NBAS: variants seen among roughly 807,000 people sequenced by gnomAD.
The protein encoded by NBAS is NAG/BC035112 fusion.
Under a neutral mutation model 302.5 loss-of-function variants are expected in NBAS, and 219 were observed. The ratio of observed to expected loss-of-function variants is 0.72; its 90% CI spans 0.65 to 0.81. NBAS has a LOEUF of 0.81. Ranked by LOEUF, NBAS falls within the 30% of genes least tolerant of loss-of-function variation. NBAS has a pLI of 0.00. For synonymous variants in NBAS, 1,118 were observed against 1,021.6 expected (o/e 1.09, Z -1.80); for missense variants, 2,932 against 2,841.6 (o/e 1.03, Z -0.72).
intron 44 of NBAS, among the ~76,000 whole-genome samples, chr2:15,264,211 C>T (rs1668973665): frequency 6.6e-6 from 1 of 152,174 alleles, no homozygotes; most frequent in African/African-American, 2.4e-5. Flanking sequence ...TCCTTTCCCT[C>T]ACTGCTTTTA....
the NBAS span, among the ~76,000 whole-genome samples, chr2:14,842,619 T>A: frequency 1.3e-5 from 2 of 151,778 alleles, no homozygotes; most frequent in African/African-American, 4.8e-5. Context: ...GATTCAACCA[T>A]AAAGAAATAC....
chr2:14,881,766 T>C, the NBAS span, among the ~76,000 whole-genome samples: 3 of 152,228 alleles, frequency 2.0e-5, no homozygotes, highest in African/African-American at 7.2e-5. Flanking sequence ...TGTACTGCAA[T>C]GGCAGAGCTG....
the NBAS span, among the ~76,000 whole-genome samples, chr2:15,055,052 T>C: frequency 6.6e-6 from 1 of 152,324 alleles, no homozygotes; most frequent in East Asian, 1.9e-4. Context: ...TGTCATCTAC[T>C]ATGTCTGGCA....
intron 19 of NBAS, among the ~76,000 whole-genome samples, chr2:15,465,919 T>G (rs1383668088): frequency 1.3e-5 from 2 of 152,146 alleles, no homozygotes; most frequent in African/African-American, 4.8e-5. Flanking sequence ...AATAATAAAT[T>G]GTATCTGTAC....
At chr2:15,360,358 A>C (rs1284487260) in intron 32 of NBAS, among the ~76,000 whole-genome samples, 4 of 151,038 alleles carry the variant, frequency 2.6e-5, no homozygotes, top group Non-Finnish European at 5.9e-5. Context: ...AAAACAAAAC[A>C]GAATCTCACT....
intron 23 of NBAS, among the ~76,000 whole-genome samples, chr2:15,423,802 G>A (rs1418071355): frequency 6.6e-6 from 1 of 152,234 alleles, no homozygotes; most frequent in Non-Finnish European, 1.5e-5. Context: ...CTAAGGTTCA[G>A]TATAATCGTC....
intron 50 of NBAS, among the ~76,000 whole-genome samples, chr2:15,181,987 T>G (rs1436344615): frequency 6.6e-6 from 1 of 152,232 alleles, no homozygotes; most frequent in African/African-American, 2.4e-5. Context: ...AGGCCTAGAA[T>G]GGGCTGAGCT....
chr2:15,125,396 A>G, the NBAS span, among the ~76,000 whole-genome samples: 4 of 152,110 alleles, frequency 2.6e-5, no homozygotes, highest in Non-Finnish European at 5.9e-5. Context: ...GGTGTCATAC[A>G]CTTTTAAATG....
chr2:15,537,921 C>G (rs1352815363), intron 7 of NBAS, among the ~76,000 whole-genome samples: 1 of 152,158 alleles, frequency 6.6e-6, no homozygotes, highest in South Asian at 2.1e-4. Context: ...CTCCCAATCA[C>G]CCCTGAATGG....
At chr2:15,419,212 A>G (rs75129161) in intron 23 of NBAS, among the ~76,000 whole-genome samples, 2,061 of 152,304 alleles carry the variant, frequency 0.014, 33 homozygotes, top group East Asian at 0.06. Flanking sequence ...AAAGAATATA[A>G]CAGATAATTA....
At chr2:15,286,936 A>G in intron 42 of NBAS, 137 bp downstream of exon 42, 2 of 684,222 alleles carry the variant, frequency 2.9e-6, no homozygotes, top group South Asian at 3.6e-5. Context: ...TGTATAAGGA[A>G]AGAACTTACC....
At chr2:15,180,534 G>C (rs1664770579) in intron 50 of NBAS, among the ~76,000 whole-genome samples, 1 of 152,248 alleles carries the variant, frequency 6.6e-6, no homozygotes, top group African/African-American at 2.4e-5. Context: ...AAGCTCCTGA[G>C]CATGGCACTC....
intron 11 of NBAS, among the ~76,000 whole-genome samples, chr2:15,498,879 G>A (rs1681172455): frequency 6.6e-6 from 1 of 151,666 alleles, no homozygotes; most frequent in Admixed American, 6.6e-5. Flanking sequence ...GCAGAACTGT[G>A]AGTCAATTAA....
At chr2:15,464,838 C>T (rs79852525) in intron 19 of NBAS, among the ~76,000 whole-genome samples, 3,695 of 152,290 alleles carry the variant, frequency 0.024, 146 homozygotes, top group African/African-American at 0.084. Context: ...TGTGCCACCC[C>T]TCACGCTCCC....
In NBAS at chr2:15,474,671, C is replaced by T. The variant is rs140760484; in HGVS notation, c.1342-347G>A. ...GGCCTCCCAGGTTCAGACGATTCTC[C>T]TGCCTCAGCCTCCCGAGTAGCTGGG... On this transcript the variant is annotated intron_variant, in intron 14 of 51. Coordinates refer to ENST00000281513, the MANE Select transcript of NBAS (RefSeq NM_015909.4). Among the ~76,000 whole-genome samples, 546 of 152,260 alleles carry T rather than the reference C, an allele frequency of 3.6e-3. 2 individuals carry two copies. Among genetic ancestry groups the T allele is most frequent in the Non-Finnish European group, 4.8e-3 (326 of 68,008 alleles).
At chr2:15,158,530 G>T in the NBAS span, among the ~76,000 whole-genome samples, 9 of 152,206 alleles carry the variant, frequency 5.9e-5, no homozygotes, top group Non-Finnish European at 1.0e-4. Flanking sequence ...CTCCTTTGCT[G>T]GGTTTCCAGT....
chr2:15,438,677 C>A (rs1359572207), intron 21 of NBAS, among the ~76,000 whole-genome samples: 2 of 152,186 alleles, frequency 1.3e-5, no homozygotes, highest in Non-Finnish European at 1.5e-5. Flanking sequence ...GCCTGGCAGG[C>A]CTTCTGGGCT....
At chr2:15,250,044 G>T (rs1668288998) in intron 44 of NBAS, among the ~76,000 whole-genome samples, 1 of 152,114 alleles carries the variant, frequency 6.6e-6, no homozygotes, top group African/African-American at 2.4e-5. Flanking sequence ...GAGGCATCAT[G>T]CTACCTGACT....
chr2:14,984,467 A>G, the NBAS span, among the ~76,000 whole-genome samples: 1 of 152,244 alleles, frequency 6.6e-6, no homozygotes, highest in South Asian at 2.1e-4. Context: ...AAACAAATGA[A>G]TACATTAAAG....
Sources: gnomAD v4.1 joint callset for allele counts (sites outside exome capture counted in the v4.1 genomes callset) on GRCh38, gnomAD v4.1.1 for gene constraint, MANE v1.5 for transcripts, NCBI Gene and HGNC (gene_info 2026-07-23, HGNC 2026-07-21) for gene names.